The following DPP10 variants were observed in gnomAD, a reference collection of about 807,000 sequenced individuals.
DPP10 encodes the protein inactive dipeptidyl peptidase 10.
A neutral mutation model predicts 120.9 loss-of-function variants in DPP10; 33 were observed. That is an observed-to-expected ratio of 0.27 (90% confidence interval 0.21 to 0.37). The LOEUF is 0.37. Among genes scored for constraint, DPP10 ranks in the 10% least tolerant of loss-of-function variants. The pLI, the probability that DPP10 is intolerant of heterozygous loss-of-function variation, is 1.00. For synonymous variants in DPP10, 337 were observed against 326.1 expected, an observed-to-expected ratio of 1.03 and a Z score of -0.36; for missense variants, 816 against 942.8, an observed-to-expected ratio of 0.87 and a Z score of 1.76.
intron 2 of DPP10, among the ~76,000 whole-genome samples, chr2:115,331,655 G>A (rs886594791): frequency 2.7e-4 from 41 of 152,142 alleles, no homozygotes; most frequent in Non-Finnish European, 8.8e-5. Context: ...TTTGTCAAAG[G>A]CCTTTTCTGC....
At chr2:114,551,094 A>G (rs1687847536) in intron 1 of DPP10, among the ~76,000 whole-genome samples, 1 of 152,072 alleles carries the variant, frequency 6.6e-6, no homozygotes, top group African/African-American at 2.4e-5. Flanking sequence ...ATCCTCCACT[A>G]CACTCATTTT....
intron 1 of DPP10, among the ~76,000 whole-genome samples, chr2:115,020,846 G>A (rs1196860121): frequency 1.3e-5 from 2 of 151,946 alleles, no homozygotes; most frequent in Non-Finnish European, 2.9e-5. Context: ...GAATACAATT[G>A]GAAATCAACT....
intron 3 of DPP10, among the ~76,000 whole-genome samples, chr2:115,489,782 G>C (rs1242333253): frequency 2.0e-5 from 3 of 152,004 alleles, no homozygotes; most frequent in African/African-American, 7.2e-5. Context: ...TGGATCTGCA[G>C]ACAATCTCTA....
chr2:114,994,235 G>A lies in DPP10; in HGVS notation c.61-315004G>A, dbSNP rs74879095. Among the ~76,000 whole-genome samples the A allele has an allele frequency of 3.3e-5, 5 of 152,126 alleles. No individual in the cohort carries two copies. The South Asian group carries it at 6.2e-4, about 19-fold the overall frequency. ...TTTATATTTAATGTACTTTTCATGC[G>A]CATTGAAACTCTGGGCAGAAGATGT... On this transcript the variant is annotated intron_variant, in intron 1 of 25. Coordinates refer to ENST00000410059, the MANE Select transcript of DPP10 (RefSeq NM_020868.6).
At position 115,017,266 on chromosome 2, in the gene DPP10, T is replaced by C. The variant is rs372016122; in HGVS notation, c.61-291973T>C. Among the ~76,000 whole-genome samples the C allele has an allele frequency of 3.1e-4, 47 of 151,588 alleles. 2 individuals carry two copies. In the East Asian group the frequency reaches 8.3e-3, roughly 27 times the overall value. ...AAGAAAAAAAAATGCTCATCATCAC[T>C]GGCCATCAGAGAAATGCAAATCAAA... On this transcript the variant is annotated intron_variant, in intron 1 of 25. Transcript: ENST00000410059.
At chr2:115,239,688 G>A (rs544061384) in intron 1 of DPP10, among the ~76,000 whole-genome samples, 1 of 152,162 alleles carries the variant, frequency 6.6e-6, no homozygotes, top group African/African-American at 2.4e-5. Context: ...ATGCCATGGT[G>A]GTTTGCCACA....
At chr2:114,620,536 G>T (rs914286970) in intron 1 of DPP10, among the ~76,000 whole-genome samples, 1 of 151,990 alleles carries the variant, frequency 6.6e-6, no homozygotes, top group Non-Finnish European at 1.5e-5. Flanking sequence ...CTATTATAGA[G>T]TATTATAAAA....
At chr2:115,548,267 C>T (rs1385306045) in intron 5 of DPP10, among the ~76,000 whole-genome samples, 1 of 152,118 alleles carries the variant, frequency 6.6e-6, no homozygotes, top group Admixed American at 6.6e-5. Context: ...TTAGATCCTT[C>T]TTACCAACCA....
At chr2:115,067,477 C>T (rs1480182539) in intron 1 of DPP10, among the ~76,000 whole-genome samples, 2 of 149,262 alleles carry the variant, frequency 1.3e-5, no homozygotes, top group African/African-American at 4.9e-5. Context: ...TGGTTTCGAT[C>T]TCCTGACCTC....
chr2:115,172,097 A>C (rs909429104), intron 1 of DPP10, among the ~76,000 whole-genome samples: 2 of 152,210 alleles, frequency 1.3e-5, no homozygotes, highest in African/African-American at 4.8e-5. Flanking sequence ...ATGTAGTAGC[A>C]ATTGGGTGAA....
At chr2:115,214,191 T>G (rs903437117) in intron 1 of DPP10, among the ~76,000 whole-genome samples, 1 of 152,136 alleles carries the variant, frequency 6.6e-6, no homozygotes, top group African/African-American at 2.4e-5. Context: ...GGATGTGGAA[T>G]GAATAGGGGT....
At chr2:114,577,825 C>G (rs1690182325) in intron 1 of DPP10, among the ~76,000 whole-genome samples, 1 of 152,182 alleles carries the variant, frequency 6.6e-6, no homozygotes. Flanking sequence ...AAGCATCACC[C>G]TGATCTCTTG....
At chr2:115,149,154 C>A (rs1284622115) in intron 1 of DPP10, among the ~76,000 whole-genome samples, 1 of 152,116 alleles carries the variant, frequency 6.6e-6, no homozygotes, top group Admixed American at 6.5e-5. Context: ...GCAGCAGGAA[C>A]CTTGATCAAA....
chr2:114,534,817 G>A (rs1257671441), intron 1 of DPP10, among the ~76,000 whole-genome samples: 1 of 151,994 alleles, frequency 6.6e-6, no homozygotes, highest in Non-Finnish European at 1.5e-5. Flanking sequence ...TTCTTAGATG[G>A]CTTCACCCAA....
chr2:114,960,141 A>G (rs893210614), intron 1 of DPP10, among the ~76,000 whole-genome samples: 1 of 152,196 alleles, frequency 6.6e-6, no homozygotes, highest in Non-Finnish European at 1.5e-5. Flanking sequence ...TTAAAAATAC[A>G]TAATTTCATC....
At chr2:114,555,133 C>T (rs1423538253) in intron 1 of DPP10, among the ~76,000 whole-genome samples, 2 of 152,194 alleles carry the variant, frequency 1.3e-5, no homozygotes, top group African/African-American at 4.8e-5. Context: ...TCACCCAGAG[C>T]ACAGTATAGA....
At chr2:114,600,837 A>T (rs1379947708) in intron 1 of DPP10, among the ~76,000 whole-genome samples, 4 of 151,910 alleles carry the variant, frequency 2.6e-5, no homozygotes, top group Non-Finnish European at 5.9e-5. Context: ...ACTTAAACTG[A>T]GAGTGATAGG....
chr2:114,929,182 G>A (rs888946849), intron 1 of DPP10, among the ~76,000 whole-genome samples: 6 of 152,074 alleles, frequency 3.9e-5, no homozygotes, highest in Admixed American at 2.6e-4. Flanking sequence ...ATGCTTGAAC[G>A]GACAATACAA....
chr2:115,227,216 G>A (rs1276759018), intron 1 of DPP10, among the ~76,000 whole-genome samples: 1 of 152,064 alleles, frequency 6.6e-6, no homozygotes, highest in Non-Finnish European at 1.5e-5. Flanking sequence ...TACATAAAAT[G>A]AAATGTTCTG....
Sources: allele counts gnomAD v4.1 joint callset (sites outside exome capture counted in the v4.1 genomes callset), GRCh38; gene constraint gnomAD v4.1.1; transcripts MANE v1.5; gene names NCBI Gene and HGNC (gene_info 2026-07-23, HGNC 2026-07-21).